The following RAP1A variants were observed in gnomAD, a reference collection of about 807,000 sequenced individuals.
The protein encoded by RAP1A is RAP1A, member of RAS oncogene family.
RAP1A carries 6 observed loss-of-function variants against 26.4 expected under a neutral mutation model. The ratio of observed to expected loss-of-function variants is 0.23; its 90% CI spans 0.12 to 0.45. The LOEUF (loss-of-function observed/expected upper bound fraction) is 0.45. Ranked by LOEUF, RAP1A falls within the 20% of genes least tolerant of loss-of-function variation. RAP1A has a pLI of 0.99. For missense variants in RAP1A, 121 were observed against 217.2 expected (o/e 0.56, Z 2.78); for synonymous variants, 73 against 79.4 (o/e 0.92, Z 0.43).
chr1:111,632,500 T>A (rs781292699), intron 1 of RAP1A, among the ~76,000 whole-genome samples: 4 of 152,104 alleles, frequency 2.6e-5, no homozygotes, highest in Admixed American at 6.6e-5. Flanking sequence ...ACATGGAAGT[T>A]GACGTGCTAG....
At chr1:111,684,749 T>C (rs113159064) in intron 1 of RAP1A, among the ~76,000 whole-genome samples, 19,683 of 152,154 alleles carry the variant, frequency 0.13, 1,614 homozygotes, top group South Asian at 0.18. Context: ...AAAGCTACCA[T>C]TGAGTTTCTT....
chr1:111,565,995 G>T (rs965296097), intron 1 of RAP1A, among the ~76,000 whole-genome samples: 1 of 152,028 alleles, frequency 6.6e-6, no homozygotes, highest in Admixed American at 6.6e-5. Flanking sequence ...CACCTTCGAG[G>T]AGGAACAAAT....
chr1:111,594,849 T>C (rs1263004852), intron 1 of RAP1A, among the ~76,000 whole-genome samples: 4 of 152,200 alleles, frequency 2.6e-5, no homozygotes, highest in African/African-American at 7.2e-5. Flanking sequence ...TTTAAGACTA[T>C]AAACAATACA....
Position 111,544,044 on chromosome 1 carries a change from A to G in RAP1A, c.-28+1535A>G, listed in dbSNP as rs542100657. Among the ~76,000 whole-genome samples the G allele has an allele frequency of 2.0e-5, 3 of 152,364 alleles. No homozygotes were observed. In the East Asian group the frequency reaches 5.8e-4, roughly 29 times the overall value. On this transcript the variant is annotated intron_variant, in intron 1 of 7. Transcript: ENST00000356415. ...GAAGTCATAGTTTCCAATCAAATGT[A>G]TAGCCTTCAGTTTGAAGCATTTGAA...
intron 4 of RAP1A, among the ~76,000 whole-genome samples, chr1:111,701,588 G>A (rs1662025091): frequency 6.6e-6 from 1 of 152,198 alleles, no homozygotes; most frequent in Admixed American, 6.5e-5. Context: ...GTGGATATTT[G>A]TTGTGAATGG....
At chr1:111,590,038 G>A (rs545067808) in intron 1 of RAP1A, among the ~76,000 whole-genome samples, 1 of 152,260 alleles carries the variant, frequency 6.6e-6, no homozygotes, top group Admixed American at 6.5e-5. Context: ...CCAAAGATTT[G>A]GGATTACAGG....
chr1:111,543,145 G>A (rs1370574723), intron 1 of RAP1A, among the ~76,000 whole-genome samples: 1 of 152,148 alleles, frequency 6.6e-6, no homozygotes, highest in African/African-American at 2.4e-5. Flanking sequence ...CACACACACA[G>A]CGCAGGTGAC....
intron 1 of RAP1A, 21 bp from the exon 2 acceptor site, chr1:111,691,313 A>AT (rs762856693): frequency 6.5e-6 from 10 of 1,531,142 alleles, no homozygotes; most frequent in South Asian, 3.4e-5. Flanking sequence ...TTAATCTTTG[A>AT]TTTTTTTGTT....
intron 1 of RAP1A, among the ~76,000 whole-genome samples, chr1:111,640,853 A>AT (rs1351516420): frequency 6.6e-6 from 1 of 152,058 alleles, no homozygotes; most frequent in Non-Finnish European, 1.5e-5. Flanking sequence ...AATCCCAGAT[A>AT]CTCAGAAGGC....
At chr1:111,590,667 C>T (rs999444615) in intron 1 of RAP1A, among the ~76,000 whole-genome samples, 9 of 151,530 alleles carry the variant, frequency 5.9e-5, no homozygotes, top group Admixed American at 3.3e-4. Flanking sequence ...GTGATCCACC[C>T]GCCTCGGCCT....
At chr1:111,543,369 A>G (rs1656915072) in intron 1 of RAP1A, among the ~76,000 whole-genome samples, 1 of 152,150 alleles carries the variant, frequency 6.6e-6, no homozygotes, top group Non-Finnish European at 1.5e-5. Flanking sequence ...TTCGCTGCCA[A>G]AAGGGAAAAA....
At chr1:111,695,732 C>A (rs1412572358) in intron 3 of RAP1A, among the ~76,000 whole-genome samples, 1 of 152,060 alleles carries the variant, frequency 6.6e-6, no homozygotes, top group African/African-American at 2.4e-5. Context: ...ATTAAGACCA[C>A]CTTTATGCTT....
chr1:111,629,511 T>C (rs1659505160), intron 1 of RAP1A, among the ~76,000 whole-genome samples: 1 of 152,206 alleles, frequency 6.6e-6, no homozygotes, highest in South Asian at 2.1e-4. Context: ...AAATACAGGC[T>C]TGTGATACTT....
At chr1:111,655,297 C>A (rs533900) in intron 1 of RAP1A, among the ~76,000 whole-genome samples, 1 of 148,640 alleles carries the variant, frequency 6.7e-6, no homozygotes. Context: ...TTAACTTGAG[C>A]GTGATAAACA....
At chr1:111,646,437 A>C (rs891056066) in intron 1 of RAP1A, among the ~76,000 whole-genome samples, 1 of 138,786 alleles carries the variant, frequency 7.2e-6, no homozygotes, top group African/African-American at 3.1e-5. Flanking sequence ...AAAAAAAACA[A>C]AACAAAACCT....
At chr1:111,603,651 T>C (rs760907488) in intron 1 of RAP1A, among the ~76,000 whole-genome samples, 5 of 152,252 alleles carry the variant, frequency 3.3e-5, no homozygotes, top group Non-Finnish European at 7.3e-5. Flanking sequence ...GTTCGGGGCA[T>C]GACCAGTTGT....
intron 1 of RAP1A, among the ~76,000 whole-genome samples, chr1:111,631,149 G>A (rs549479429): frequency 7.1e-4 from 108 of 152,214 alleles, no homozygotes; most frequent in African/African-American, 2.5e-3. Flanking sequence ...ACATTGTAGC[G>A]ATTTGCAGAT....
At chr1:111,598,817 C>T (rs1048174145) in intron 1 of RAP1A, among the ~76,000 whole-genome samples, 3 of 152,180 alleles carry the variant, frequency 2.0e-5, no homozygotes, top group Non-Finnish European at 4.4e-5. Flanking sequence ...GTAGAAACCA[C>T]AGGTTGAGGG....
chr1:111,639,421 T>A (rs1659828337), intron 1 of RAP1A, among the ~76,000 whole-genome samples: 1 of 152,002 alleles, frequency 6.6e-6, no homozygotes, highest in Non-Finnish European at 1.5e-5. Context: ...CTTTGCTTTT[T>A]AAAGTAGAAA....
Sources: gnomAD v4.1 joint callset for allele counts (sites outside exome capture counted in the v4.1 genomes callset) on GRCh38, gnomAD v4.1.1 for gene constraint, MANE v1.5 for transcripts, NCBI Gene and HGNC (gene_info 2026-07-23, HGNC 2026-07-21) for gene names.